EPHA6: variants seen among roughly 807,000 people sequenced by gnomAD.
The protein encoded by EPHA6 is EPH receptor A6.
Under a neutral mutation model 112.0 loss-of-function variants are expected in EPHA6, and 50 were observed. That is an observed-to-expected ratio of 0.45 (90% CI 0.36 to 0.56). The LOEUF (loss-of-function observed/expected upper bound fraction) is 0.56. Ranked by LOEUF, EPHA6 falls within the 20% of genes least tolerant of loss-of-function variation. The probability of loss-of-function intolerance (pLI) is 0.00; values close to 1 mark genes in which losing one functional copy is unlikely to be tolerated. For synonymous variants in EPHA6, 529 were observed against 490.7 expected (o/e 1.08, Z -1.03); for missense variants, 1,280 against 1,417.4 (o/e 0.90, Z 1.56).
intron 3 of EPHA6, among the ~76,000 whole-genome samples, chr3:97,180,286 G>A (rs577379018): frequency 1.3e-5 from 2 of 151,984 alleles, no homozygotes; most frequent in African/African-American, 2.4e-5. Flanking sequence ...AGGGCATTGG[G>A]CACTCCTCTG....
At chr3:97,328,044 C>CACATAT (rs2082558296) in intron 5 of EPHA6, among the ~76,000 whole-genome samples, 1 of 53,530 alleles carries the variant, frequency 1.9e-5, no homozygotes, top group African/African-American at 9.5e-5. Context: ...TATATACACA[C>CACATAT]ATATATACAC....
At chr3:97,022,819 A>G (rs1042968167) in intron 3 of EPHA6, among the ~76,000 whole-genome samples, 1 of 152,164 alleles carries the variant, frequency 6.6e-6, no homozygotes, top group African/African-American at 2.4e-5. Context: ...TAATCACTTT[A>G]TTCTTGGTTA....
At chr3:97,351,816 G>A (rs1016347713) in intron 5 of EPHA6, among the ~76,000 whole-genome samples, 3 of 152,226 alleles carry the variant, frequency 2.0e-5, no homozygotes, top group Non-Finnish European at 2.9e-5. Context: ...GGGATGTGGA[G>A]AGTATAGTTT....
At chr3:97,150,072 C>T (rs1428150939) in intron 3 of EPHA6, among the ~76,000 whole-genome samples, 1 of 151,798 alleles carries the variant, frequency 6.6e-6, no homozygotes, top group Non-Finnish European at 1.5e-5. Flanking sequence ...TTATGATGAG[C>T]TTTGGTGTAG....
At chr3:97,492,753 G>T (rs1242073921) in intron 10 of EPHA6, among the ~76,000 whole-genome samples, 7 of 151,706 alleles carry the variant, frequency 4.6e-5, no homozygotes. Context: ...TATACTGGGA[G>T]ATCAGATCGC....
rs556314247 is a variant in EPHA6 at position 97,185,897 on chromosome 3, T to C, written c.1115-40367T>C. ...ACCATGCAGCCATAAAAAGGATGAA[T>C]TCATGTCCTTTGTAGGGACATGGAT... On this transcript the variant is annotated intron_variant, in intron 3 of 17. Transcript: ENST00000389672. Among the ~76,000 whole-genome samples the C allele has an allele frequency of 3.3e-5, 5 of 152,020 alleles. No homozygotes were observed. In the South Asian group the frequency reaches 1.0e-3, roughly 32 times the overall value.
At chr3:97,373,587 A>C (rs952726520) in intron 5 of EPHA6, among the ~76,000 whole-genome samples, 2 of 152,116 alleles carry the variant, frequency 1.3e-5, no homozygotes, top group Non-Finnish European at 2.9e-5. Flanking sequence ...TGTTATTTGA[A>C]TTCATCAGCC....
intron 12 of EPHA6, among the ~76,000 whole-genome samples, chr3:97,605,425 G>T (rs1219040132): frequency 6.6e-6 from 1 of 151,630 alleles, no homozygotes; most frequent in Admixed American, 6.6e-5. Context: ...GTTAATTTTT[G>T]TGTATGGTGA....
At chr3:97,218,959 C>T (rs936028137) in intron 3 of EPHA6, among the ~76,000 whole-genome samples, 3 of 152,028 alleles carry the variant, frequency 2.0e-5, no homozygotes, top group Non-Finnish European at 1.5e-5. Context: ...CAAAAGGGCT[C>T]CAGGCCTCCT....
chr3:97,267,079 G>A (rs146354964), intron 5 of EPHA6, among the ~76,000 whole-genome samples: 2,002 of 152,232 alleles, frequency 0.013, 42 homozygotes, highest in African/African-American at 0.046. Context: ...GCTTTTAAGT[G>A]AAAATTAGTT....
At chr3:97,718,287 C>T (rs1032968499) in intron 14 of EPHA6, among the ~76,000 whole-genome samples, 6 of 152,270 alleles carry the variant, frequency 3.9e-5, no homozygotes, top group African/African-American at 1.4e-4. Flanking sequence ...ATCCTTACCC[C>T]CTTGTGAAGA....
At chr3:97,209,326 C>T (rs938741340) in intron 3 of EPHA6, among the ~76,000 whole-genome samples, 8 of 152,090 alleles carry the variant, frequency 5.3e-5, no homozygotes, top group Non-Finnish European at 1.2e-4. Flanking sequence ...CACACACACA[C>T]GTATTTGTAT....
At chr3:97,345,088 A>G (rs1371505411) in intron 5 of EPHA6, among the ~76,000 whole-genome samples, 1 of 152,134 alleles carries the variant, frequency 6.6e-6, no homozygotes, top group African/African-American at 2.4e-5. Context: ...GGGGAAAAAA[A>G]AAAGGTCCAA....
chr3:97,097,372 T>C (rs973196752), intron 3 of EPHA6, among the ~76,000 whole-genome samples: 2 of 152,048 alleles, frequency 1.3e-5, no homozygotes, highest in South Asian at 2.1e-4. Flanking sequence ...TTATTTAATT[T>C]ATTCTTCCTT....
At chr3:97,254,355 A>G (rs1010844635) in intron 5 of EPHA6, among the ~76,000 whole-genome samples, 5 of 151,966 alleles carry the variant, frequency 3.3e-5, no homozygotes, top group East Asian at 3.9e-4. Flanking sequence ...CGCCAGGGTA[A>G]TTTTTTGTAT....
At chr3:96,847,225 G>T (rs1034263328) in intron 1 of EPHA6, among the ~76,000 whole-genome samples, 7 of 151,852 alleles carry the variant, frequency 4.6e-5, no homozygotes, top group Non-Finnish European at 1.0e-4. Context: ...ATTATAACTA[G>T]GTCCCATTAA....
At chr3:97,005,649 C>CTA (rs1379980190) in intron 3 of EPHA6, among the ~76,000 whole-genome samples, 1 of 152,092 alleles carries the variant, frequency 6.6e-6, no homozygotes, top group Non-Finnish European at 1.5e-5. Flanking sequence ...ACTTCCAATA[C>CTA]TATGTTGAAT....
At chr3:97,207,581 A>G (rs970853547) in intron 3 of EPHA6, among the ~76,000 whole-genome samples, 2 of 152,188 alleles carry the variant, frequency 1.3e-5, no homozygotes, top group Admixed American at 6.5e-5. Context: ...ATGCATATGT[A>G]TAAAATTGAT....
intron 2 of EPHA6, among the ~76,000 whole-genome samples, chr3:96,901,676 A>C (rs893871331): frequency 6.6e-6 from 1 of 152,126 alleles, no homozygotes; most frequent in African/African-American, 2.4e-5. Flanking sequence ...TAAAAAAAGG[A>C]AAGAGGGATG....
Sources: gnomAD v4.1 joint callset for allele counts (sites outside exome capture counted in the v4.1 genomes callset) on GRCh38, gnomAD v4.1.1 for gene constraint, MANE v1.5 for transcripts, NCBI Gene and HGNC (gene_info 2026-07-23, HGNC 2026-07-21) for gene names.